The following ENOX2 variants were observed in gnomAD, a reference collection of about 807,000 sequenced individuals.
ENOX2 encodes APK1 antigen.
Under a neutral mutation model 45.0 loss-of-function variants are expected in ENOX2, and 36 were observed. That is an observed-to-expected ratio of 0.80 (90% CI 0.61 to 1.06). The LOEUF (loss-of-function observed/expected upper bound fraction) is 1.06, where lower values mean the gene tolerates loss of function less well. Among genes scored for constraint, ENOX2 ranks in the 50% least tolerant of loss-of-function variants. The pLI is 0.00. For missense variants in ENOX2, 423 were observed against 462.5 expected (o/e 0.91, Z 0.78); for synonymous variants, 174 against 152.3 (o/e 1.14, Z -1.05).
At chrX:130,898,140 T>TG (rs1447738685) in intron 2 of ENOX2, among the ~76,000 whole-genome samples, 1 of 110,521 alleles carries the variant, frequency 9.0e-6, no homozygotes, top group Non-Finnish European at 1.9e-5. Flanking sequence ...CCCGAGTAGC[T>TG]GGGATTACAG....
intron 2 of ENOX2, among the ~76,000 whole-genome samples, chrX:130,808,789 G>A (rs1361565736): frequency 1.8e-5 from 2 of 111,743 alleles, no homozygotes; most frequent in African/African-American, 6.5e-5. Flanking sequence ...CTTAATTTAT[G>A]TTCTCCAAGC....
intron 3 of ENOX2, among the ~76,000 whole-genome samples, chrX:130,759,798 C>A (rs1569497862): frequency 1.8e-5 from 2 of 108,694 alleles, no homozygotes; most frequent in Non-Finnish European, 1.9e-5. Flanking sequence ...AGGACTTGTG[C>A]CTTTCTACAT....
chrX:130,761,843 T>C (rs1396821820), intron 3 of ENOX2, among the ~76,000 whole-genome samples: 1 of 111,440 alleles, frequency 9.0e-6, no homozygotes, highest in Non-Finnish European at 1.9e-5. Context: ...CCTCCAACAC[T>C]GGGGATTACA....
chrX:130,659,404 G>A lies in ENOX2; in HGVS notation c.1015-2709C>T, dbSNP rs752182407. On this transcript the variant is annotated intron_variant, in intron 9 of 14. Transcript: ENST00000394363. Reference sequence around the variant, plus strand: ...AACATAGACTCTCCCATGTGCTTCAGGGGCATTACTTAAAATAGAAAAAAA... The same window carrying A: ...AACATAGACTCTCCCATGTGCTTCAAGGGCATTACTTAAAATAGAAAAAAA... 4.7e-4 allele frequency among the ~76,000 whole-genome samples: 52 copies of A among 111,679 alleles called. No individual in the cohort carries two copies. In the Middle Eastern group the frequency reaches 0.014, roughly 30 times the overall value.
At chrX:130,821,741 T>TGAAAAAAAAAAAAAAAA in intron 2 of ENOX2, among the ~76,000 whole-genome samples, 1 of 24,209 alleles carries the variant, frequency 4.1e-5, no homozygotes, top group Admixed American at 4.8e-4. Context: ...AATAAATAAA[T>TGAAAAAAAAAAAAAAAA]TAAAAAAAAA....
chrX:130,837,894 T>C (rs2077953726), intron 2 of ENOX2, among the ~76,000 whole-genome samples: 1 of 112,091 alleles, frequency 8.9e-6, no homozygotes, highest in Non-Finnish European at 1.9e-5. Flanking sequence ...TTACAACTGC[T>C]ACTATCACTA....
chrX:130,695,827 A>C (rs1285216938), intron 4 of ENOX2, among the ~76,000 whole-genome samples: 3 of 111,412 alleles, frequency 2.7e-5, no homozygotes, highest in Non-Finnish European at 3.8e-5. Flanking sequence ...TCTTTAAAAG[A>C]CTTTTTAGGC....
rs182870530 is a variant in ENOX2 at position 130,902,067 on chromosome X, C to T, written c.-230-336G>A. Reference sequence around the variant, plus strand: ...CACCTCCTTCACAAAGCCTGAAAGCCGGATGAGGGCTTCAGCACTTCCCGG... The same window carrying T: ...CACCTCCTTCACAAAGCCTGAAAGCTGGATGAGGGCTTCAGCACTTCCCGG... On this transcript the variant is annotated intron_variant, in intron 1 of 14. Coordinates refer to ENST00000394363, the MANE Select transcript of ENOX2 (RefSeq NM_006375.4). 5.1e-3 allele frequency among the ~76,000 whole-genome samples: 563 copies of T among 111,391 alleles called. 2 individuals are homozygous for T. The highest frequency in any genetic ancestry group is 0.017 in the African/African-American group (535 of 30,618).
intron 2 of ENOX2, among the ~76,000 whole-genome samples, chrX:130,791,111 G>A (rs1490691073): frequency 2.7e-5 from 3 of 111,056 alleles, no homozygotes; most frequent in African/African-American, 6.5e-5. Flanking sequence ...GGCATGAGTC[G>A]CCGTACCTGG....
At chrX:130,662,391 AC>A (rs2036717264) in intron 9 of ENOX2, among the ~76,000 whole-genome samples, 1 of 112,281 alleles carries the variant, frequency 8.9e-6, no homozygotes, top group South Asian at 3.7e-4. Context: ...AGGAACAGGC[AC>A]TTTGTGACAT....
chrX:130,664,789 A>G (rs1197869844), intron 9 of ENOX2, among the ~76,000 whole-genome samples: 2 of 112,681 alleles, frequency 1.8e-5, no homozygotes, highest in Non-Finnish European at 3.7e-5. Flanking sequence ...CCAATGTGAA[A>G]GCACTTTATA....
At chrX:130,759,363 G>A (rs764788346) in intron 3 of ENOX2, among the ~76,000 whole-genome samples, 102 of 108,773 alleles carry the variant, frequency 9.4e-4, no homozygotes, top group African/African-American at 3.3e-3. Context: ...AGGCCGAGGC[G>A]GTTGGACCAG....
At chrX:130,719,914 A>G (rs1399190093) in intron 3 of ENOX2, among the ~76,000 whole-genome samples, 1 of 112,224 alleles carries the variant, frequency 8.9e-6, no homozygotes, top group Non-Finnish European at 1.9e-5. Flanking sequence ...ATGCAGTTAA[A>G]AGGAGAAAAT....
chrX:130,871,912 A>C lies in ENOX2; in HGVS notation c.-183+29772T>G, dbSNP rs150068807. Among the ~76,000 whole-genome samples the C allele has an allele frequency of 4.4e-3, 496 of 112,098 alleles. 4 individuals are homozygous for C. Among genetic ancestry groups the C allele is most frequent in the African/African-American group, 0.014 (448 of 30,945 alleles). On this transcript the variant is annotated intron_variant, in intron 2 of 14. Transcript: ENST00000394363. ...TTATATCTTAAAAGAGGAGGTCATG[A>C]ATCAATACAGAATCTCTAATTAGTT...
At chrX:130,826,614 A>G (rs1453287364) in intron 2 of ENOX2, among the ~76,000 whole-genome samples, 1 of 111,790 alleles carries the variant, frequency 8.9e-6, no homozygotes, top group African/African-American at 3.2e-5. Flanking sequence ...AAGAAAAAAC[A>G]AGGCAGTGGT....
At chrX:130,830,489 C>T (rs1310070003) in intron 2 of ENOX2, among the ~76,000 whole-genome samples, 2 of 111,628 alleles carry the variant, frequency 1.8e-5, no homozygotes, top group Non-Finnish European at 3.8e-5. Context: ...CTTCCTACCA[C>T]CAAATCTGCA....
At chrX:130,727,272 A>G (rs1603329595) in intron 3 of ENOX2, among the ~76,000 whole-genome samples, 1 of 112,182 alleles carries the variant, frequency 8.9e-6, no homozygotes, top group East Asian at 2.8e-4. Flanking sequence ...AAGTTTAAGT[A>G]AATTGCTCAG....
chrX:130,659,028 C>T (rs2036616493), intron 9 of ENOX2, among the ~76,000 whole-genome samples: 1 of 112,093 alleles, frequency 8.9e-6, no homozygotes, highest in Admixed American at 9.4e-5. Context: ...TTTGAAGCAG[C>T]TTGCAATCAT....
At chrX:130,881,620 C>T (rs144952000) in intron 2 of ENOX2, among the ~76,000 whole-genome samples, 86 of 111,697 alleles carry the variant, frequency 7.7e-4, no homozygotes, top group Non-Finnish European at 1.4e-3. Context: ...TTACATATAC[C>T]GATTTCTTTT....
Sources: allele counts gnomAD v4.1 joint callset (sites outside exome capture counted in the v4.1 genomes callset), GRCh38; gene constraint gnomAD v4.1.1; transcripts MANE v1.5; gene names NCBI Gene and HGNC (gene_info 2026-07-23, HGNC 2026-07-21).